PRKAR1A: variants seen among roughly 807,000 people sequenced by gnomAD.
PRKAR1A encodes the protein cAMP-dependent protein kinase type I-alpha regulatory subunit.
In PRKAR1A, 3 loss-of-function variants were observed where a neutral mutation model predicts 52.0. The ratio of observed to expected loss-of-function variants is 0.06; its 90% CI spans 0.03 to 0.15. The LOEUF is 0.15. Ranked by LOEUF, PRKAR1A falls within the 10% of genes least tolerant of loss-of-function variation. The pLI is 1.00. For missense variants in PRKAR1A, 240 were observed against 477.4 expected (o/e 0.50, Z 4.63); for synonymous variants, 188 against 168.4 (o/e 1.12, Z -0.90).
the PRKAR1A span, among the ~76,000 whole-genome samples, chr17:68,419,783 G>T: frequency 6.9e-6 from 1 of 144,624 alleles, no homozygotes; most frequent in African/African-American, 2.7e-5. Flanking sequence ...AACATAGCGG[G>T]ACCCTGTCTC....
intron 6 of PRKAR1A, 101 bp from the exon 7 acceptor site, chr17:68,525,648 TAAAAC>T: frequency 1.6e-6 from 2 of 1,289,210 alleles, no homozygotes; most frequent in Non-Finnish European, 2.2e-6. Flanking sequence ...TTCTGTTTTT[TAAAAC>T]AAAGTTCAGG....
the PRKAR1A span, chr17:68,426,141 T>G: frequency 6.2e-7 from 1 of 1,610,474 alleles, no homozygotes; most frequent in Admixed American, 1.7e-5. Flanking sequence ...CAGGAATAAC[T>G]TCTCCTCGCA....
intron 6 of PRKAR1A, 138 bp from the exon 7 acceptor site, chr17:68,525,616 T>C: frequency 1.1e-6 from 1 of 886,342 alleles, no homozygotes; most frequent in East Asian, 2.6e-5. Flanking sequence ...TCTTCTCTGT[T>C]GTGTACTGCA....
At chr17:68,434,689 T>C in the PRKAR1A span, 2 of 1,551,768 alleles carry the variant, frequency 1.3e-6, no homozygotes, top group Non-Finnish European at 1.8e-6. Context: ...GATGTCCCTT[T>C]AGAGAGGAGT....
chr17:68,539,205 G>A (rs1359752722), intron 11 of PRKAR1A: 7 of 790,716 alleles, frequency 8.9e-6, no homozygotes, highest in Admixed American at 2.0e-5. Context: ...TAGGAAATAA[G>A]GTGATTCATG....
chr17:68,426,201 A>C, the PRKAR1A span: 1 of 1,484,286 alleles, frequency 6.7e-7, no homozygotes, highest in Non-Finnish European at 9.2e-7. Context: ...GAGACATGAA[A>C]CAAGCACTGG....
chr17:68,542,224 T>A, intron 11 of PRKAR1A: 1 of 1,585,530 alleles, frequency 6.3e-7, no homozygotes, highest in East Asian at 2.2e-5. Context: ...CATGACATCT[T>A]CCTGGCCTAG....
At chr17:68,444,527 C>T in the PRKAR1A span, 24 of 1,614,038 alleles carry the variant, frequency 1.5e-5, no homozygotes, top group Non-Finnish European at 2.0e-5. Context: ...GGAGGGTCTT[C>T]AACAGCTTCA....
intron 1 of PRKAR1A, chr17:68,513,144 T>G (rs145007236): frequency 1.3e-5 from 2 of 152,338 alleles, no homozygotes; most frequent in Admixed American, 6.5e-5. Flanking sequence ...CCCTGAGGCC[T>G]CCTCGCCACC....
chr17:68,515,204 A>G lies in PRKAR1A; in HGVS notation c.-6-190A>G, dbSNP rs537230823. ...GAGCACAGATCCTGAACTAAATGAA[A>G]CATTTACTTGGAATAATGCTAATTC... is the stretch of plus-strand genomic sequence containing the variant. On this transcript the variant is annotated intron_variant, in intron 1 of 10. Coordinates refer to ENST00000589228, the MANE Select transcript of PRKAR1A (RefSeq NM_002734.5). 1.7e-5 allele frequency: 11 copies of G among 631,436 alleles called. No homozygotes were observed. In the Admixed American group the frequency reaches 2.1e-4, roughly 12 times the overall value. 39.1% of individuals were successfully genotyped at this position (631,436 alleles called of 1,614,324 possible).
At chr17:68,457,972 G>C in the PRKAR1A span, among the ~76,000 whole-genome samples, 1 of 152,172 alleles carries the variant, frequency 6.6e-6, no homozygotes, top group Non-Finnish European at 1.5e-5. Context: ...AAGGGTGACA[G>C]GAGGACGCGC....
At position 68,530,904 on chromosome 17, in the gene PRKAR1A, T is replaced by C; in HGVS notation, c.*455T>C. 8.9e-7 allele frequency: 1 copy of C among 1,118,766 alleles called. No individual in the cohort carries two copies. The allele number at this position is 1,118,766 out of a possible 1,614,324, so 69.3% of individuals were successfully genotyped here. A position where few individuals can be genotyped will look rare whatever the true frequency, so the allele number is the denominator to read the frequency against. ...ATGGTTTCTCATTAAACTCTAAAGA[T>C]TAGGGAAAATGGATATAGAAAATCT... On this transcript the variant is annotated 3_prime_UTR_variant, in exon 11 of 11. Transcript: ENST00000589228.
the PRKAR1A span, among the ~76,000 whole-genome samples, chr17:68,480,115 A>G: frequency 6.6e-6 from 1 of 152,208 alleles, no homozygotes; most frequent in Non-Finnish European, 1.5e-5. Context: ...CTCATGTTTC[A>G]TTTCTAGAAG....
chr17:68,505,913 G>T, the PRKAR1A span, among the ~76,000 whole-genome samples: 1 of 152,192 alleles, frequency 6.6e-6, no homozygotes, highest in Non-Finnish European at 1.5e-5. Flanking sequence ...ATGTATGGAG[G>T]GTTGATGAGG....
chr17:68,541,657 G>A, intron 11 of PRKAR1A: 1 of 234,292 alleles, frequency 4.3e-6, no homozygotes. Flanking sequence ...CCTGGTTATA[G>A]CAAGTGCTGT....
chr17:68,502,077 G>A, the PRKAR1A span, among the ~76,000 whole-genome samples: 2 of 152,018 alleles, frequency 1.3e-5, no homozygotes, highest in Middle Eastern at 3.2e-3. Flanking sequence ...CCCTTACTTG[G>A]ATCATTGCAA....
the PRKAR1A span, among the ~76,000 whole-genome samples, chr17:68,495,967 C>T: frequency 2.3e-5 from 1 of 44,092 alleles, no homozygotes; most frequent in Admixed American, 2.8e-4. Context: ...CTCCTCTCTC[C>T]TCTCCTCTCT....
the PRKAR1A span, among the ~76,000 whole-genome samples, chr17:68,466,738 T>G: frequency 6.6e-6 from 1 of 152,176 alleles, no homozygotes; most frequent in Non-Finnish European, 1.5e-5. Context: ...TATGTTAATG[T>G]GGAGAATTAT....
the PRKAR1A span, among the ~76,000 whole-genome samples, chr17:68,430,854 G>A: frequency 6.6e-6 from 1 of 152,216 alleles, no homozygotes; most frequent in Non-Finnish European, 1.5e-5. Flanking sequence ...CCAGGAGCAG[G>A]CAACTGCTGA....
Sources: allele counts gnomAD v4.1 joint callset (sites outside exome capture counted in the v4.1 genomes callset), GRCh38; gene constraint gnomAD v4.1.1; transcripts MANE v1.5; gene names NCBI Gene and HGNC (gene_info 2026-07-23, HGNC 2026-07-21).